Variants in HDAC11 observed in about 807,000 individuals in gnomAD.
HDAC11 encodes the protein histone deacetylase 11.
HDAC11 carries 23 observed loss-of-function variants against 41.1 expected under a neutral mutation model. The ratio of observed to expected loss-of-function variants is 0.56; its 90% CI spans 0.40 to 0.79. HDAC11 has a LOEUF of 0.79. Among genes scored for constraint, HDAC11 ranks in the 30% least tolerant of loss-of-function variants. HDAC11 has a pLI of 0.00. For missense variants in HDAC11, 402 were observed against 477.3 expected (o/e 0.84, Z 1.47); for synonymous variants, 187 against 186.6 (o/e 1.00, Z -0.02).
intron 3 of HDAC11, among the ~76,000 whole-genome samples, chr3:13,485,989 C>T (rs530863344): frequency 8.2e-4 from 124 of 151,882 alleles, no homozygotes; most frequent in African/African-American, 2.8e-3. Flanking sequence ...AGAAGTAGGC[C>T]GGGTGCAGTG....
intron 6 of HDAC11, chr3:13,501,497 A>T (rs1331187617): frequency 7.4e-6 from 3 of 403,962 alleles, no homozygotes; most frequent in Non-Finnish European, 1.5e-5. Flanking sequence ...GCCTTGTAGG[A>T]TAAGGCAGAG....
At position 13,500,759 on chromosome 3, in the gene HDAC11, T is replaced by C. The variant is rs1394605509; in HGVS notation, c.459T>C (p.Cys153=). 1 of 1,587,392 alleles carries C rather than the reference T, an allele frequency of 6.3e-7. No individual in the cohort carries two copies. The highest frequency in any genetic ancestry group is 1.8e-5 in the Admixed American group (1 of 57,080). ...CCAGCGACCGTGGCGGGGGCTTCTG[T>C]GCCTATGCGGACATCACGCTCGCCA... The part of the protein sequence containing the change: ...HCSSDRGGGF[C]AYADITLAIK... Residue 153 remains cysteine, a synonymous_variant, in exon 6 of 10, where the codon TGT becomes TGC. Coordinates refer to ENST00000295757, the MANE Select transcript of HDAC11 (RefSeq NM_024827.4).
intron 3 of HDAC11, among the ~76,000 whole-genome samples, chr3:13,492,136 A>ATG (rs1701893594): frequency 1.3e-5 from 2 of 152,186 alleles, no homozygotes; most frequent in South Asian, 4.1e-4. Flanking sequence ...CTGAGCACAG[A>ATG]TGTGGATTTG....
intron 4 of HDAC11, among the ~76,000 whole-genome samples, chr3:13,497,082 C>G (rs937521531): frequency 6.6e-6 from 1 of 152,150 alleles, no homozygotes; most frequent in Admixed American, 6.5e-5. Flanking sequence ...TATTTGTTAC[C>G]GTAATTGCTA....
At chr3:13,499,502 A>G (rs1342284643) in intron 5 of HDAC11, among the ~76,000 whole-genome samples, 2 of 152,178 alleles carry the variant, frequency 1.3e-5, no homozygotes, top group African/African-American at 4.8e-5. Context: ...TGAGCTGGGC[A>G]TAATTGTCAG....
chr3:13,490,736 A>ATTTTTTCTTTTTTTTTTTT (rs1701814211), intron 3 of HDAC11, among the ~76,000 whole-genome samples: 2 of 75,606 alleles, frequency 2.6e-5, no homozygotes, highest in African/African-American at 9.5e-5. Context: ...GTTTCTTAGC[A>ATTTTTTCTTTTTTTTTTTT]TTTTTTTCTT....
intron 3 of HDAC11, among the ~76,000 whole-genome samples, chr3:13,487,286 G>A (rs1701640880): frequency 6.6e-6 from 1 of 152,136 alleles, no homozygotes; most frequent in Non-Finnish European, 1.5e-5. Flanking sequence ...CCCAGAGAGT[G>A]CCCTAGAGAG....
At chr3:13,492,068 C>A (rs552915342) in intron 3 of HDAC11, among the ~76,000 whole-genome samples, 1 of 152,234 alleles carries the variant, frequency 6.6e-6, no homozygotes, top group Non-Finnish European at 1.5e-5. Flanking sequence ...ATGGTGCAGG[C>A]GATTTCAGAT....
chr3:13,484,078 C>G (rs1047383394), intron 3 of HDAC11, among the ~76,000 whole-genome samples: 1 of 152,138 alleles, frequency 6.6e-6, no homozygotes, highest in African/African-American at 2.4e-5. Context: ...CTGTCTCACC[C>G]TCCTGAGTGA....
At chr3:13,486,267 C>CAAAAAAAAAAAAAAAAAA in intron 3 of HDAC11, among the ~76,000 whole-genome samples, 1 of 65,212 alleles carries the variant, frequency 1.5e-5, no homozygotes, top group Non-Finnish European at 2.8e-5. Flanking sequence ...AACTCCATCT[C>CAAAAAAAAAAAAAAAAAA]AAAAAAAAAA....
chr3:13,502,947 C>A lies in HDAC11; in HGVS notation c.616C>A (p.Arg206Ser). The change falls in exon 8 of 10, where the codon CGC (arginine) becomes AGC (serine). Residue 206 changes from arginine (R) to serine (S), a missense_variant. Coordinates refer to ENST00000295757, the MANE Select transcript of HDAC11 (RefSeq NM_024827.4). The surrounding 1 kb of genome is among the most constrained non-coding windows in gnomAD (Gnocchi z 4.1). Reference protein sequence around the residue: ...KRVYIMDVYNRHIYPGDRFAK... With the variant: ...KRVYIMDVYNSHIYPGDRFAK... ...TGTGTACATCATGGATGTCTACAAC[C>A]GCCACATCTACCCAGGGGACCGCTT... is the stretch of plus-strand genomic sequence containing the variant. 1 of 1,613,672 alleles carries A rather than the reference C, an allele frequency of 6.2e-7. No individual in the cohort carries two copies. The highest frequency in any genetic ancestry group is 1.1e-5 in the South Asian group (1 of 91,060).
chr3:13,492,555 A>G (rs567526113), intron 3 of HDAC11, among the ~76,000 whole-genome samples: 1 of 151,972 alleles, frequency 6.6e-6, no homozygotes, highest in South Asian at 2.1e-4. Flanking sequence ...ATTTTATTTT[A>G]TTTTTTTGAG....
At position 13,501,558 on chromosome 3, in the gene HDAC11, A is replaced by G. The variant is rs1702366156; in HGVS notation, c.490-313A>G. On this transcript the variant is annotated intron_variant, in intron 6 of 9. Coordinates refer to ENST00000295757, the MANE Select transcript of HDAC11 (RefSeq NM_024827.4). ...TGGGGATTCTCTCCTTAACCCCTAC[A>G]CATTTCCTAGGGAATCTGGGAAAAT... The G allele has an allele frequency of 6.6e-6, 4 of 602,590 alleles. No individual in the cohort carries two copies. The Admixed American group carries it at 8.7e-5, about 13-fold the overall frequency. The allele number at this position is 602,590 out of a possible 1,614,324, so 37.3% of individuals were successfully genotyped here.
At chr3:13,487,317 G>A (rs1474731733) in intron 3 of HDAC11, among the ~76,000 whole-genome samples, 1 of 152,204 alleles carries the variant, frequency 6.6e-6, no homozygotes, top group Admixed American at 6.5e-5. Context: ...TTCTCAGGCT[G>A]CTTTTCCCTG....
chr3:13,495,599 C>T, intron 3 of HDAC11, among the ~76,000 whole-genome samples: 1 of 152,160 alleles, frequency 6.6e-6, no homozygotes, highest in East Asian at 1.9e-4. Flanking sequence ...ATTGGTTCTC[C>T]TTGCTGCAGC....
At chr3:13,486,391 A>T (rs1030497799) in intron 3 of HDAC11, among the ~76,000 whole-genome samples, 1 of 151,694 alleles carries the variant, frequency 6.6e-6, no homozygotes, top group Admixed American at 6.6e-5. Flanking sequence ...ATGGATTTGC[A>T]TTTGAGTCGT....
At chr3:13,495,716 G>C (rs1305842432) in intron 3 of HDAC11, among the ~76,000 whole-genome samples, 2 of 152,172 alleles carry the variant, frequency 1.3e-5, no homozygotes, top group Non-Finnish European at 2.9e-5. Flanking sequence ...AGCCTGCCCT[G>C]TTCCAGCTGC....
intron 3 of HDAC11, among the ~76,000 whole-genome samples, chr3:13,491,513 C>T (rs997922037): frequency 6.6e-6 from 1 of 152,104 alleles, no homozygotes; most frequent in East Asian, 1.9e-4. Flanking sequence ...AGAAAGGACC[C>T]ACCTAAAGCA....
intron 2 of HDAC11, among the ~76,000 whole-genome samples, chr3:13,482,023 G>A (rs190577653): frequency 4.6e-5 from 7 of 152,132 alleles, no homozygotes; most frequent in Non-Finnish European, 7.4e-5. Flanking sequence ...CCTGTAGACC[G>A]AACTGGGCAC....
Sources: allele counts gnomAD v4.1 joint callset (sites outside exome capture counted in the v4.1 genomes callset), GRCh38; gene constraint gnomAD v4.1.1; non-coding constraint Gnocchi (gnomAD v3.1); transcripts MANE v1.5; gene names NCBI Gene and HGNC (gene_info 2026-07-23, HGNC 2026-07-21).